The following ANKS3 variants were observed in gnomAD, a reference collection of about 807,000 sequenced individuals.
ANKS3 encodes the protein ankyrin repeat and SAM domain-containing protein 3.
Under a neutral mutation model 80.7 loss-of-function variants are expected in ANKS3, and 62 were observed. That is an observed-to-expected ratio of 0.77 (90% confidence interval 0.63 to 0.95). The LOEUF is 0.95. Ranked by LOEUF, ANKS3 falls within the 40% of genes least tolerant of loss-of-function variation. The pLI, the probability that ANKS3 is intolerant of heterozygous loss-of-function variation, is 0.00. For missense variants in ANKS3, 1,150 were observed against 883.6 expected (o/e 1.30, Z -3.82); for synonymous variants, 489 against 355.3 (o/e 1.38, Z -4.23).
intron 7 of ANKS3, among the ~76,000 whole-genome samples, chr16:4,706,454 C>G (rs2080200763): frequency 6.6e-6 from 1 of 152,124 alleles, no homozygotes; most frequent in Non-Finnish European, 1.5e-5. Context: ...CCAGGCTGGT[C>G]TCGATCTCCT....
At chr16:4,714,990 CA>C (rs753327026) in intron 6 of ANKS3, among the ~76,000 whole-genome samples, 49 of 36,620 alleles carry the variant, frequency 1.3e-3, no homozygotes, top group South Asian at 8.9e-3. Context: ...GACTCTGTCT[CA>C]AAAAAAAAAA....
At chr16:4,698,182 GCTGGGC>G (rs1233145409) in intron 14 of ANKS3, 120 bp from the exon 15 acceptor site, 1 of 1,259,912 alleles carries the variant, frequency 7.9e-7, no homozygotes, top group African/African-American at 1.5e-5. Context: ...GCCCTCATGG[GCTGGGC>G]CAGTGCCCCA....
At chr16:4,711,698 A>G in intron 7 of ANKS3, among the ~76,000 whole-genome samples, 1 of 150,544 alleles carries the variant, frequency 6.6e-6, no homozygotes, top group Admixed American at 6.6e-5. Flanking sequence ...AGCCTGGGGA[A>G]CAAGAGTGAA....
At position 4,714,100 on chromosome 16, in the gene ANKS3, C is replaced by G. The variant is rs2142088506; in HGVS notation, c.660G>C (p.Leu220Phe). The G allele has an allele frequency of 6.2e-7, 1 of 1,614,214 alleles. No individual in the cohort carries two copies. Among genetic ancestry groups the G allele is most frequent in the East Asian group, 2.2e-5 (1 of 44,886 alleles). Residue 220 changes from leucine to phenylalanine, a missense_variant, in exon 7 of 18, where the codon TTG (leucine) becomes TTC (phenylalanine). By Grantham distance (22) the Leu-to-Phe change is conservative. Transcript: ENST00000304283. ...GCAGAGAGGGCGAGTAAGTGTCCATCAAGGCCACGATCTTCATGTGTCCGT... is the reference window on the plus strand; with the variant it reads ...GCAGAGAGGGCGAGTAAGTGTCCATGAAGGCCACGATCTTCATGTGTCCGT... Reference protein sequence around the residue: ...KQYGHMKIVALMDTYSPSLPK... With the variant: ...KQYGHMKIVAFMDTYSPSLPK...
intron 1 of ANKS3, among the ~76,000 whole-genome samples, chr16:4,732,259 C>G (rs770584190): frequency 6.6e-6 from 1 of 152,114 alleles, no homozygotes; most frequent in South Asian, 2.1e-4. Flanking sequence ...CCCTGGCCAA[C>G]GAAGCCTGGA....
intron 3 of ANKS3, chr16:4,727,511 A>G (rs1251548754): frequency 7.9e-6 from 3 of 377,458 alleles, no homozygotes; most frequent in South Asian, 4.8e-5. Flanking sequence ...GGTTCTCACA[A>G]CTGGGCAGGG....
At chr16:4,727,216 C>T (rs1379508106) in intron 3 of ANKS3, 39 bp from the exon 4 acceptor site, 1 of 1,604,308 alleles carries the variant, frequency 6.2e-7, no homozygotes, top group Admixed American at 1.7e-5. Flanking sequence ...GGCCAGCCGC[C>T]TCGCATGTGG....
At position 4,715,418 on chromosome 16, in the gene ANKS3, C is replaced by T. The variant is rs143988418; in HGVS notation, c.574-1232G>A. Among the ~76,000 whole-genome samples the T allele has an allele frequency of 6.8e-4, 104 of 152,244 alleles. No homozygotes were observed. The East Asian group carries it at 8.7e-3, about 13-fold the overall frequency. On this transcript the variant is annotated intron_variant, in intron 6 of 17. Coordinates refer to ENST00000304283, the MANE Select transcript of ANKS3 (RefSeq NM_133450.4). ...AAGCTCAGAGGAGGAGGCGGGACCCCGGAAAGGGGGAGCATCTTTAATAAA... is the reference window on the plus strand; with the variant it reads ...AAGCTCAGAGGAGGAGGCGGGACCCTGGAAAGGGGGAGCATCTTTAATAAA...
In ANKS3 at chr16:4,698,610, G is replaced by T. The variant is rs747095003; in HGVS notation, c.1552-11C>A. ...TACCTCCTCGCAGCGCTGCAGGGGG[G>T]TGGGGGGCGCGGGGAGGCTGGGAGG... On this transcript the variant is annotated splice_polypyrimidine_tract_variant and intron_variant, in intron 13 of 17. Transcript: ENST00000304283. 1.7e-5 allele frequency: 26 copies of T among 1,547,220 alleles called. No individual in the cohort carries two copies. The African/African-American group carries it at 2.9e-4, about 17-fold the overall frequency.
rs1233011390 is a variant in ANKS3, at chr16:4,698,022, G to A, written c.1765C>T (p.Gln589Ter). ...AELSSRVRQDQPPGAATLGLA... is the reference protein window; with the variant it reads ...AELSSRVRQD ...CCCAGAGTGGCTGCACCAGGGGGCT[G>A]GTCCTGCCTCACTCGAGATGACAGC... is the stretch of plus-strand genomic sequence containing the variant. The change falls in exon 15 of 18, where the codon CAG becomes TAG. Residue 589 changes from glutamine to a stop codon, truncating the protein, a stop_gained. Coordinates refer to ENST00000304283, the MANE Select transcript of ANKS3 (RefSeq NM_133450.4). LOFTEE classifies it high-confidence loss of function. The A allele has an allele frequency of 6.2e-7, 1 of 1,608,768 alleles. No homozygotes were observed. The highest frequency in any genetic ancestry group is 1.1e-5 in the South Asian group (1 of 90,192).
intron 3 of ANKS3, 119 bp from the exon 4 acceptor site, chr16:4,727,296 A>T (rs1596455966): frequency 2.0e-6 from 2 of 1,009,914 alleles, no homozygotes; most frequent in African/African-American, 1.6e-5. Context: ...GTTATCTGCC[A>T]CCCTGGACGT....
chr16:4,714,287 G>C lies in ANKS3; in HGVS notation c.574-101C>G, dbSNP rs906638615. On this transcript the variant is annotated intron_variant, in intron 6 of 17. Transcript: ENST00000304283. ...GACAGAAGGGCATATGCTGGTTTCT[G>C]ACTGCCTCCCTGTGTGGGAAACATC... 8.0e-6 allele frequency: 12 copies of C among 1,498,740 alleles called. No individual in the cohort carries two copies. The African/African-American group carries it at 1.7e-4, about 21-fold the overall frequency. The allele number at this position is 1,498,740 out of a possible 1,614,324, so 92.8% of individuals were successfully genotyped here.
intron 7 of ANKS3, among the ~76,000 whole-genome samples, chr16:4,708,568 TAATA>T (rs1567350039): frequency 1.3e-5 from 2 of 152,082 alleles, no homozygotes; most frequent in African/African-American, 4.8e-5. Flanking sequence ...TAGGTCTCAT[TAATA>T]AATCAAAATC....
At position 4,726,787 on chromosome 16, in the gene ANKS3, G is replaced by A. The variant is rs2081375531; in HGVS notation, c.370-7C>T. The A allele has an allele frequency of 1.2e-6, 2 of 1,611,660 alleles. No homozygotes were observed. Among genetic ancestry groups the A allele is most frequent in the Non-Finnish European group, 8.5e-7 (1 of 1,178,022 alleles). ...TTTCTAGCTCTGCACCTTGCTTCAAGAGAACACAGAACGTGCGTTACGGCC... is the reference window on the plus strand; with the variant it reads ...TTTCTAGCTCTGCACCTTGCTTCAAAAGAACACAGAACGTGCGTTACGGCC... On this transcript the variant is annotated splice_polypyrimidine_tract_variant and splice_region_variant and intron_variant, in intron 4 of 17. Coordinates refer to ENST00000304283, the MANE Select transcript of ANKS3 (RefSeq NM_133450.4).
At chr16:4,724,234 G>A (rs1055244380) in intron 6 of ANKS3, among the ~76,000 whole-genome samples, 3 of 152,162 alleles carry the variant, frequency 2.0e-5, no homozygotes, top group Non-Finnish European at 2.9e-5. Flanking sequence ...GATTGTACAC[G>A]GAATACTGTA....
chr16:4,716,850 G>A (rs1313423039), intron 6 of ANKS3, among the ~76,000 whole-genome samples: 2 of 151,930 alleles, frequency 1.3e-5, no homozygotes, highest in African/African-American at 2.4e-5. Flanking sequence ...AGGAGGCGGA[G>A]GTTGCAGTGA....
rs1346650286 is a variant in ANKS3, at chr16:4,717,243, C to A, written c.574-3057G>T. 2.6e-5 allele frequency among the ~76,000 whole-genome samples: 4 copies of A among 150,974 alleles called. No homozygotes were observed. The East Asian group carries it at 7.9e-4, about 30-fold the overall frequency. ...GGCAACAGACGAAGCAAGACTCTATCTCAAAAATAAAAAATAATTTCTTGG... is the reference window on the plus strand; with the variant it reads ...GGCAACAGACGAAGCAAGACTCTATATCAAAAATAAAAAATAATTTCTTGG... On this transcript the variant is annotated intron_variant, in intron 6 of 17. Transcript: ENST00000304283.
At chr16:4,724,016 C>T (rs78871521) in intron 6 of ANKS3, among the ~76,000 whole-genome samples, 2,899 of 152,226 alleles carry the variant, frequency 0.019, 45 homozygotes, top group Non-Finnish European at 0.03. Context: ...GCCACGATCT[C>T]GCCACTGAAC....
At chr16:4,731,099 C>G (rs1036146744) in intron 2 of ANKS3, among the ~76,000 whole-genome samples, 4 of 152,118 alleles carry the variant, frequency 2.6e-5, no homozygotes, top group Admixed American at 6.6e-5. Context: ...ATGGAAGAAG[C>G]CTGCCTACAG....
Sources: allele counts gnomAD v4.1 joint callset (sites outside exome capture counted in the v4.1 genomes callset), GRCh38; gene constraint gnomAD v4.1.1; transcripts MANE v1.5; gene names NCBI Gene and HGNC (gene_info 2026-07-23, HGNC 2026-07-21).